Variants in PRH1 observed in about 807,000 individuals in gnomAD.
The protein encoded by PRH1 is proline rich protein HaeIII subfamily 1.
In PRH1, 7 loss-of-function variants were observed where a neutral mutation model predicts 7.9. The observed-to-expected ratio is 0.89, with a 90% CI of 0.50 to 1.67. The LOEUF is 1.67. Ranked by LOEUF, PRH1 falls within the 40% of genes most tolerant of loss-of-function variation. The pLI is 0.00. For synonymous variants in PRH1, 45 were observed against 80.8 expected (o/e 0.56, Z 2.38); for missense variants, 109 against 223.6 (o/e 0.49, Z 3.27).
intron 1 of PRH1, among the ~76,000 whole-genome samples, chr12:11,112,371 T>C (rs999264039): frequency 4.0e-4 from 61 of 152,264 alleles, no homozygotes; most frequent in African/African-American, 1.2e-3. Context: ...TTTAGGCCAA[T>C]ATCCTTGATG....
intron 1 of PRH1, among the ~76,000 whole-genome samples, chr12:11,087,329 A>AGG (rs2136247189): frequency 8.5e-6 from 1 of 117,392 alleles, no homozygotes; most frequent in South Asian, 2.3e-4. Flanking sequence ...CCTGCTCTCA[A>AGG]GGGGTCCTCC....
intron 1 of PRH1, among the ~76,000 whole-genome samples, chr12:10,990,393 G>A (rs1455224344): frequency 2.0e-5 from 3 of 152,218 alleles, no homozygotes; most frequent in Middle Eastern, 3.2e-3. Flanking sequence ...AGAGCATTCC[G>A]AGAAGAAGGG....
At chr12:11,077,457 C>G (rs1386886556) in intron 1 of PRH1, 1 of 797,106 alleles carries the variant, frequency 1.3e-6, no homozygotes, top group East Asian at 2.6e-5. Flanking sequence ...TTTGGCAAAG[C>G]AGGAATACAA....
intron 1 of PRH1, chr12:11,091,910 A>T (rs1293520361): frequency 8.0e-7 from 1 of 1,253,438 alleles, no homozygotes; most frequent in Non-Finnish European, 1.1e-6. Flanking sequence ...AATCTTGAGC[A>T]AATAAAATAT....
intron 1 of PRH1, among the ~76,000 whole-genome samples, chr12:11,042,241 A>C (rs1403869049): frequency 6.6e-6 from 1 of 152,072 alleles, no homozygotes. Context: ...GACTAAGAAA[A>C]AAAGATCCAA....
At chr12:11,146,545 C>T (rs1055791683) in intron 1 of PRH1, among the ~76,000 whole-genome samples, 1 of 152,104 alleles carries the variant, frequency 6.6e-6, no homozygotes, top group Non-Finnish European at 1.5e-5. Flanking sequence ...TAGAGTCAGA[C>T]AGCTAACTTA....
intron 1 of PRH1, among the ~76,000 whole-genome samples, chr12:11,165,307 TCTC>T (rs1477805521): frequency 7.0e-6 from 1 of 142,690 alleles, no homozygotes; most frequent in African/African-American, 2.6e-5. Context: ...CCATCTCTTC[TCTC>T]CTTTTCTCCC....
At chr12:10,961,809 C>T (rs1938247041) in intron 2 of PRH1, among the ~76,000 whole-genome samples, 2 of 152,214 alleles carry the variant, frequency 1.3e-5, no homozygotes, top group Admixed American at 6.5e-5. Context: ...CCTCCTCTCT[C>T]GCTTCCATGG....
intron 1 of PRH1, among the ~76,000 whole-genome samples, chr12:11,087,405 T>C (rs1253266687): frequency 8.6e-6 from 1 of 116,664 alleles, no homozygotes; most frequent in Non-Finnish European, 2.0e-5. Flanking sequence ...GCATTGAGAG[T>C]TTCTGAAGGT....
At chr12:11,004,321 A>C (rs1368415777) in intron 1 of PRH1, among the ~76,000 whole-genome samples, 1 of 152,004 alleles carries the variant, frequency 6.6e-6, no homozygotes, top group East Asian at 1.9e-4. Flanking sequence ...ATGGTGAAAA[A>C]ATACTAAAAT....
intron 1 of PRH1, among the ~76,000 whole-genome samples, chr12:11,062,981 A>G (rs1254727215): frequency 2.0e-5 from 3 of 152,026 alleles, no homozygotes; most frequent in African/African-American, 7.2e-5. Flanking sequence ...AATGGAACAA[A>G]TTATTTTCTC....
chr12:11,125,780 G>GA (rs557003273), intron 1 of PRH1, among the ~76,000 whole-genome samples: 1 of 149,718 alleles, frequency 6.7e-6, no homozygotes, highest in Non-Finnish European at 1.5e-5. Context: ...TTGGAAATAA[G>GA]AAAAAAAGGT....
chr12:11,043,821 T>C (rs1402923413), intron 1 of PRH1, among the ~76,000 whole-genome samples: 1 of 152,154 alleles, frequency 6.6e-6, no homozygotes, highest in Non-Finnish European at 1.5e-5. Context: ...AGATGGTCCA[T>C]GTCCATGGAT....
chr12:10,967,117 A>G (rs1413603254), intron 2 of PRH1, among the ~76,000 whole-genome samples: 1 of 84,746 alleles, frequency 1.2e-5, no homozygotes, highest in Admixed American at 1.1e-4. Flanking sequence ...TCCGTCTCAA[A>G]AAAAAAAAAA....
intron 1 of PRH1, among the ~76,000 whole-genome samples, chr12:10,999,548 G>A (rs535224076): frequency 5.3e-5 from 8 of 151,924 alleles, no homozygotes; most frequent in African/African-American, 1.9e-4. Context: ...CTTAGAAATG[G>A]GCCAAAACAA....
intron 1 of PRH1, among the ~76,000 whole-genome samples, chr12:11,082,670 A>G (rs114874254): frequency 0.025 from 2,888 of 114,944 alleles, 839 homozygotes; most frequent in South Asian, 0.039. Context: ...TTCATCAAGA[A>G]TAACATAAAA....
At chr12:11,102,827 C>T (rs1945296576) in intron 1 of PRH1, among the ~76,000 whole-genome samples, 1 of 152,126 alleles carries the variant, frequency 6.6e-6, no homozygotes, top group Admixed American at 6.5e-5. Context: ...CTACAAAGAA[C>T]TTAAACAAAT....
At chr12:11,094,059 C>T (rs541100556) in intron 1 of PRH1, among the ~76,000 whole-genome samples, 1 of 112,434 alleles carries the variant, frequency 8.9e-6, no homozygotes, top group South Asian at 2.4e-4. Flanking sequence ...AGGTCCAGTG[C>T]AGGCAAGGCT....
chr12:10,914,752 T>C (rs1949949562), intron 2 of PRH1, among the ~76,000 whole-genome samples: 1 of 151,966 alleles, frequency 6.6e-6, no homozygotes, highest in Non-Finnish European at 1.5e-5. Context: ...GAAAGAAGAG[T>C]CTAGAAACTT....
Sources: allele counts gnomAD v4.1 joint callset (sites outside exome capture counted in the v4.1 genomes callset), GRCh38; gene constraint gnomAD v4.1.1; transcripts MANE v1.5; gene names NCBI Gene and HGNC (gene_info 2026-07-23, HGNC 2026-07-21).